DGKI: variants seen among roughly 807,000 people sequenced by gnomAD.
DGKI encodes diacylglycerol kinase iota, also known as DAG kinase iota.
Under a neutral mutation model 147.5 loss-of-function variants are expected in DGKI, and 55 were observed. That is an observed-to-expected ratio of 0.37 (90% CI 0.30 to 0.47). The LOEUF (loss-of-function observed/expected upper bound fraction) is 0.47, where lower values mean the gene tolerates loss of function less well. DGKI is among the 20% of genes least tolerant of loss of function. The pLI is 1.00. For synonymous variants in DGKI, 469 were observed against 477.1 expected, an observed-to-expected ratio of 0.98 and a Z score of 0.22; for missense variants, 1,007 against 1,323.8, an observed-to-expected ratio of 0.76 and a Z score of 3.71.
intron 28 of DGKI, among the ~76,000 whole-genome samples, chr7:137,418,023 C>T (rs1181601082): frequency 2.6e-5 from 4 of 152,194 alleles, no homozygotes; most frequent in Non-Finnish European, 5.9e-5. Flanking sequence ...CCCACCTGTT[C>T]CCACCATGCC....
At chr7:137,832,832 C>T (rs888683383) in intron 1 of DGKI, among the ~76,000 whole-genome samples, 2 of 152,226 alleles carry the variant, frequency 1.3e-5, no homozygotes, top group African/African-American at 4.8e-5. Context: ...TAACAGCATC[C>T]AAGTTACTTC....
Position 137,742,243 on chromosome 7 carries a change from C to T in DGKI, c.402-52241G>A, listed in dbSNP as rs190207269. Among the ~76,000 whole-genome samples the T allele has an allele frequency of 2.7e-3, 415 of 152,062 alleles. 10 individuals are homozygous for T. The highest frequency in any genetic ancestry group is 2.8e-4 in the Non-Finnish European group (19 of 67,982). ...CTGCCATCCCTCCTTCCACCCCCAA[C>T]CCCCACCCACCTACTTCCATTCCAA... On this transcript the variant is annotated intron_variant, in intron 1 of 32. Coordinates refer to ENST00000614521, the MANE Select transcript of DGKI (RefSeq NM_001321708.2).
intron 28 of DGKI, among the ~76,000 whole-genome samples, chr7:137,442,159 G>A (rs1340903415): frequency 1.3e-5 from 2 of 152,050 alleles, no homozygotes; most frequent in African/African-American, 4.8e-5. Context: ...GAACATGTAA[G>A]AAATTTTTTG....
chr7:137,447,917 AT>A (rs1813776472), intron 27 of DGKI, among the ~76,000 whole-genome samples: 1 of 152,148 alleles, frequency 6.6e-6, no homozygotes, highest in Non-Finnish European at 1.5e-5. Flanking sequence ...CTGCCCTTCA[AT>A]TTTTTTGAAA....
At chr7:137,595,696 A>T (rs565869833) in intron 12 of DGKI, among the ~76,000 whole-genome samples, 1 of 152,202 alleles carries the variant, frequency 6.6e-6, no homozygotes, top group South Asian at 2.1e-4. Context: ...CTTCCTCCAC[A>T]TATCTGCTGA....
intron 6 of DGKI, among the ~76,000 whole-genome samples, chr7:137,634,054 G>C (rs1048017675): frequency 2.6e-5 from 4 of 152,128 alleles, no homozygotes; most frequent in Non-Finnish European, 5.9e-5. Context: ...AGCTTCTAGG[G>C]GTCAGTAGTC....
intron 3 of DGKI, among the ~76,000 whole-genome samples, chr7:137,668,756 G>A (rs533427403): frequency 6.6e-6 from 1 of 152,166 alleles, no homozygotes; most frequent in East Asian, 1.9e-4. Flanking sequence ...AGGGGAGGGA[G>A]AGCCTGACTG....
At chr7:137,435,151 T>C (rs1330919693) in intron 28 of DGKI, among the ~76,000 whole-genome samples, 1 of 152,152 alleles carries the variant, frequency 6.6e-6, no homozygotes, top group African/African-American at 2.4e-5. Context: ...CAGTAAGACT[T>C]GTATAGAGAG....
chr7:137,424,395 G>A lies in DGKI; in HGVS notation c.2762-12188C>T, dbSNP rs563231919. Among the ~76,000 whole-genome samples the A allele has an allele frequency of 2.2e-4, 33 of 152,270 alleles. No individual in the cohort carries two copies. In the South Asian group the frequency reaches 5.0e-3, roughly 23 times the overall value. On this transcript the variant is annotated intron_variant, in intron 28 of 32. Coordinates refer to ENST00000614521, the MANE Select transcript of DGKI (RefSeq NM_001321708.2). ...GGAATTCATATATTCTTAAGAAAAA[G>A]AGAGGGGTCGAGCCAAGGTGGCCGA...
intron 1 of DGKI, among the ~76,000 whole-genome samples, chr7:137,740,981 C>T (rs1227766097): frequency 1.3e-5 from 2 of 152,098 alleles, no homozygotes; most frequent in Non-Finnish European, 2.9e-5. Flanking sequence ...GCCTGAATTT[C>T]CTCACTGATA....
intron 28 of DGKI, among the ~76,000 whole-genome samples, chr7:137,419,989 C>G (rs771303962): frequency 2.6e-5 from 4 of 152,194 alleles, no homozygotes; most frequent in Non-Finnish European, 4.4e-5. Context: ...TTTGGGGCAG[C>G]GTTCTGCAGA....
intron 28 of DGKI, among the ~76,000 whole-genome samples, chr7:137,421,527 C>T (rs1017168821): frequency 6.6e-6 from 1 of 152,178 alleles, no homozygotes; most frequent in Non-Finnish European, 1.5e-5. Flanking sequence ...GGCAGAAAAC[C>T]TCTACCTTGC....
intron 12 of DGKI, among the ~76,000 whole-genome samples, chr7:137,596,001 C>CAAAAAAAAAA (rs71177914): frequency 8.8e-4 from 39 of 44,408 alleles, no homozygotes; most frequent in South Asian, 1.4e-3. Context: ...GACTCCGTCT[C>CAAAAAAAAAA]AAAAAAAAAA....
chr7:137,489,786 C>T (rs1815696944), intron 21 of DGKI, among the ~76,000 whole-genome samples: 1 of 151,914 alleles, frequency 6.6e-6, no homozygotes, highest in African/African-American at 2.4e-5. Context: ...AATGTTTATC[C>T]ATTTACTTAA....
intron 20 of DGKI, among the ~76,000 whole-genome samples, chr7:137,548,475 G>T (rs1373181924): frequency 6.6e-6 from 1 of 152,050 alleles, no homozygotes; most frequent in African/African-American, 2.4e-5. Context: ...GTTCATGTGA[G>T]AATTAGTTGT....
intron 6 of DGKI, among the ~76,000 whole-genome samples, chr7:137,631,824 T>G (rs1227057625): frequency 1.3e-5 from 2 of 152,144 alleles, no homozygotes; most frequent in Non-Finnish European, 2.9e-5. Flanking sequence ...CTAGGCAGGC[T>G]AAAGCTGCTA....
rs565601501 is a variant in DGKI, at chr7:137,498,116, G to A, written c.2249-10427C>T. On this transcript the variant is annotated intron_variant, in intron 21 of 32. Transcript: ENST00000614521. ...TACAAAGAATATGAAGGAAAACAAA[G>A]AGGAACCTCATTCAGAGAATAAAAG... 3.0e-4 allele frequency among the ~76,000 whole-genome samples: 46 copies of A among 151,766 alleles called. 1 individual carries two copies. The highest frequency in any genetic ancestry group is 1.1e-3 in the African/African-American group (45 of 41,474).
chr7:137,501,313 C>T (rs866473609), intron 21 of DGKI, among the ~76,000 whole-genome samples: 72 of 152,262 alleles, frequency 4.7e-4, no homozygotes, highest in African/African-American at 1.5e-3. Context: ...ATTATGAATA[C>T]TGCTGTAATA....
intron 6 of DGKI, 103 bp from the exon 7 acceptor site, chr7:137,623,657 G>T (rs1387150155): frequency 2.1e-6 from 2 of 948,794 alleles, no homozygotes; most frequent in Non-Finnish European, 3.4e-6. Flanking sequence ...AGAAGGCCAG[G>T]ACTGTCACCC....
Sources: allele counts gnomAD v4.1 joint callset (sites outside exome capture counted in the v4.1 genomes callset), GRCh38; gene constraint gnomAD v4.1.1; transcripts MANE v1.5; gene names NCBI Gene and HGNC (gene_info 2026-07-23, HGNC 2026-07-21).